Variants in SYNE1 observed in about 807,000 individuals in gnomAD.
SYNE1 encodes the protein nesprin-1.
A neutral mutation model predicts 1,111.0 loss-of-function variants in SYNE1; 616 were observed. That is an observed-to-expected ratio of 0.55 (90% CI 0.52 to 0.59). The LOEUF (loss-of-function observed/expected upper bound fraction) is 0.59. Ranked by LOEUF, SYNE1 falls within the 20% of genes least tolerant of loss-of-function variation. The pLI is 0.00. For missense variants in SYNE1, 10,006 were observed against 10,417.0 expected (o/e 0.96, Z 1.72); for synonymous variants, 3,855 against 3,825.8 (o/e 1.01, Z -0.28).
At chr6:152,545,475 G>A (rs140041799) in intron 3 of SYNE1, among the ~76,000 whole-genome samples, 3 of 152,264 alleles carry the variant, frequency 2.0e-5, no homozygotes, top group South Asian at 4.1e-4. Context: ...AGCTACTCGG[G>A]AGGCTAAGAA....
At chr6:152,234,540 G>T in intron 111 of SYNE1, 128 bp downstream of exon 111, 1 of 1,061,484 alleles carries the variant, frequency 9.4e-7, no homozygotes, top group Non-Finnish European at 1.5e-6. Context: ...TGATCTGACT[G>T]CTTGGCCTCC....
Position 152,353,725 on chromosome 6 carries a change from G to T in SYNE1, c.10946C>A (p.Thr3649Asn). 6.2e-7 allele frequency: 1 copy of T among 1,614,106 alleles called. No homozygotes were observed. The highest frequency in any genetic ancestry group is 8.5e-7 in the Non-Finnish European group (1 of 1,180,042). ...TTCCTCAACTTCATCTCTGTATGCAGTCACTTCTTCGTGCCACTTCTGAAA... is the reference window on the plus strand; with the variant it reads ...TTCCTCAACTTCATCTCTGTATGCATTCACTTCTTCGTGCCACTTCTGAAA... ...HQMKKWHEEVTAYRDEVEEVG... is the reference protein window; with the variant it reads ...HQMKKWHEEVNAYRDEVEEVG... The change falls in exon 68 of 146, where the codon ACT (threonine) becomes AAT (asparagine). Residue 3649 changes from threonine to asparagine, a missense_variant. By Grantham distance (65) the Thr-to-Asn change is moderately conservative. Coordinates refer to ENST00000367255, the MANE Select transcript of SYNE1 (RefSeq NM_182961.4).
chr6:152,547,743 A>G (rs1316701484), intron 3 of SYNE1, among the ~76,000 whole-genome samples: 1 of 152,238 alleles, frequency 6.6e-6, no homozygotes, highest in East Asian at 1.9e-4. Context: ...TTTAAACTCC[A>G]CATATAAATG....
Position 152,136,682 on chromosome 6 carries a change from T to C in SYNE1, c.25595A>G (p.Asp8532Gly). 6.2e-7 allele frequency: 1 copy of C among 1,614,166 alleles called. No homozygotes were observed. The highest frequency in any genetic ancestry group is 1.1e-5 in the South Asian group (1 of 91,078). Residue 8532 changes from aspartate (D) to glycine (G), a missense_variant, in exon 141 of 146, where the codon GAC becomes GGC. By Grantham distance (94) the Asp-to-Gly change is moderately conservative. Transcript: ENST00000367255. Reference sequence around the variant, plus strand: ...CTCCTCCAGCAGAGAGCACACTCGGTCCCAGCGCCCATTCATCTGCGACAA... The same window carrying C: ...CTCCTCCAGCAGAGAGCACACTCGGCCCCAGCGCCCATTCATCTGCGACAA... ...DRLSQMNGRWDRVCSLLEEWR... is the reference protein window; with the variant it reads ...DRLSQMNGRWGRVCSLLEEWR...
At chr6:152,142,592 T>C (rs1052922640) in intron 138 of SYNE1, among the ~76,000 whole-genome samples, 3 of 152,228 alleles carry the variant, frequency 2.0e-5, no homozygotes, top group African/African-American at 7.2e-5. Flanking sequence ...ATAAATCCTT[T>C]AACAAATCAC....
intron 100 of SYNE1, among the ~76,000 whole-genome samples, chr6:152,267,568 A>T (rs2092825428): frequency 6.6e-6 from 1 of 152,184 alleles, no homozygotes; most frequent in Admixed American, 6.5e-5. Context: ...TCAACTTGAA[A>T]ATTCTCCAAC....
In SYNE1 at chr6:152,300,741, G is replaced by A. The variant is rs1450245566; in HGVS notation, c.17582C>T (p.Thr5861Ile). 2 of 1,614,124 alleles carry A rather than the reference G, an allele frequency of 1.2e-6. No homozygotes were observed. The highest frequency in any genetic ancestry group is 2.7e-5 in the African/African-American group (2 of 74,940). ...GGTTCCCTCCTCCCCAGACTCCTCA[G>A]TGACCGGTGACAGCAAAGTGTGACA... ...GRCHTLLSPVTEESGEEGTNS... is the reference protein window; with the variant it reads ...GRCHTLLSPVIEESGEEGTNS... The change falls in exon 93 of 146, where the codon ACT becomes ATT. Residue 5861 changes from threonine to isoleucine, a missense_variant. Coordinates refer to ENST00000367255, the MANE Select transcript of SYNE1 (RefSeq NM_182961.4).
intron 22 of SYNE1, 48 bp downstream of exon 22, chr6:152,458,709 G>A: frequency 6.3e-7 from 1 of 1,594,828 alleles, no homozygotes. Flanking sequence ...CCCTGGTCTT[G>A]TTACACATGC....
chr6:152,224,305 G>A, intron 117 of SYNE1, among the ~76,000 whole-genome samples, 189 bp downstream of exon 117: 1 of 152,094 alleles, frequency 6.6e-6, no homozygotes. Context: ...AGCTAATCCA[G>A]AATTTGGCAC....
At chr6:152,598,394 T>G (rs2099587949) in intron 3 of SYNE1, among the ~76,000 whole-genome samples, 1 of 152,214 alleles carries the variant, frequency 6.6e-6, no homozygotes, top group African/African-American at 2.4e-5. Flanking sequence ...AACCTCTTTC[T>G]TTTGTAAATT....
At chr6:152,221,645 TA>T in intron 117 of SYNE1, 86 bp from the exon 118 acceptor site, 1 of 1,544,610 alleles carries the variant, frequency 6.5e-7, no homozygotes, top group East Asian at 2.3e-5. Flanking sequence ...TATGTTTTCA[TA>T]AATATGTACA....
At chr6:152,569,126 C>G (rs950994008) in intron 3 of SYNE1, among the ~76,000 whole-genome samples, 1 of 152,198 alleles carries the variant, frequency 6.6e-6, no homozygotes, top group Non-Finnish European at 1.5e-5. Flanking sequence ...CACCTGGGAA[C>G]TTGTTAGAAA....
In SYNE1 at chr6:152,391,567, C is replaced by T. The variant is rs886061209; in HGVS notation, c.7714G>A (p.Glu2572Lys). 16 of 975,728 alleles carry T rather than the reference C, an allele frequency of 1.6e-5. 1 individual carries two copies. The highest frequency in any genetic ancestry group is 4.2e-5 in the South Asian group (2 of 47,060). The allele number at this position is 975,728 out of a possible 1,614,324, so 60.4% of individuals were successfully genotyped here. Residue 2572 changes from glutamate (E) to lysine (K), a missense_variant and splice_region_variant, in exon 52 of 146, where the codon GAG becomes AAG. Physicochemically the swap from Glu to Lys is moderately conservative, Grantham distance 56. Transcript: ENST00000367255. ...MFLGELLAAR[E>K]SLDKLSQRGQ... ...CTCTGGGAAAGCTTATCAAGAGACT[C>T]TCTGAAAAAAAGGAAAAAAAAAAAA...
At chr6:152,319,152 G>T in intron 84 of SYNE1, 137 bp from the exon 85 acceptor site, 3 of 1,239,904 alleles carry the variant, frequency 2.4e-6, no homozygotes, top group Admixed American at 2.1e-5. Context: ...AGCGATGTGC[G>T]ATTAGTTACA....
At chr6:152,220,756 C>T (rs2079990863) in intron 119 of SYNE1, 86 bp downstream of exon 119, 3 of 1,229,892 alleles carry the variant, frequency 2.4e-6, no homozygotes, top group African/African-American at 1.5e-5. Context: ...CATAGAAAGA[C>T]ATACCAAAGC....
intron 119 of SYNE1, among the ~76,000 whole-genome samples, chr6:152,220,082 T>C (rs1380677953): frequency 1.3e-5 from 2 of 152,230 alleles, no homozygotes; most frequent in African/African-American, 4.8e-5. Context: ...AAAAAAGCAC[T>C]GTATTATCTT....
rs565539543 is a variant in SYNE1, at chr6:152,376,598, G to A, written c.9147-40C>T. On this transcript the variant is annotated intron_variant, in intron 57 of 145. Coordinates refer to ENST00000367255, the MANE Select transcript of SYNE1 (RefSeq NM_182961.4). ...CAAAAATTTAATGGCAGGAAAAAGCGATAAAGTTGATGAAAATCATGTTTG... is the reference window on the plus strand; with the variant it reads ...CAAAAATTTAATGGCAGGAAAAAGCAATAAAGTTGATGAAAATCATGTTTG... 1.1e-5 allele frequency: 18 copies of A among 1,607,092 alleles called. No homozygotes were observed. In the East Asian group the frequency reaches 1.3e-4, roughly 12 times the overall value.
intron 8 of SYNE1, among the ~76,000 whole-genome samples, chr6:152,509,413 C>A (rs758481866): frequency 3.3e-5 from 5 of 151,814 alleles, no homozygotes; most frequent in Non-Finnish European, 7.4e-5. Flanking sequence ...CGCGCCACCA[C>A]GCCCAGCTAA....
chr6:152,613,100 C>T (rs1329672495), intron 3 of SYNE1, among the ~76,000 whole-genome samples: 1 of 152,150 alleles, frequency 6.6e-6, no homozygotes, highest in Non-Finnish European at 1.5e-5. Flanking sequence ...GACAAGGATG[C>T]CCTCTCTCAC....
Sources: gnomAD v4.1 joint callset for allele counts (sites outside exome capture counted in the v4.1 genomes callset) on GRCh38, gnomAD v4.1.1 for gene constraint, MANE v1.5 for transcripts, NCBI Gene and HGNC (gene_info 2026-07-23, HGNC 2026-07-21) for gene names.